Variants in TMEM120A observed in about 807,000 individuals in gnomAD.
The protein encoded by TMEM120A is transmembrane protein 120A.
TMEM120A carries 45 observed loss-of-function variants against 54.3 expected under a neutral mutation model. The observed-to-expected ratio is 0.83, with a 90% CI of 0.65 to 1.06. The LOEUF (loss-of-function observed/expected upper bound fraction) is 1.06. Among genes scored for constraint, TMEM120A ranks in the 50% least tolerant of loss-of-function variants. The pLI is 0.00. For missense variants in TMEM120A, 424 were observed against 441.7 expected (o/e 0.96, Z 0.36); for synonymous variants, 204 against 178.5 (o/e 1.14, Z -1.14).
At chr7:75,990,362 C>A (rs1789792619) in intron 3 of TMEM120A, among the ~76,000 whole-genome samples, 1 of 152,156 alleles carries the variant, frequency 6.6e-6, no homozygotes, top group Admixed American at 6.5e-5. Context: ...TCTCTGCACC[C>A]TCCATCCCCC....
chr7:75,988,402 G>A lies in TMEM120A; in HGVS notation c.473+19C>T. 1 of 1,606,186 alleles carries A rather than the reference G, an allele frequency of 6.2e-7. No homozygotes were observed. Among genetic ancestry groups the A allele is most frequent in the Non-Finnish European group, 8.5e-7 (1 of 1,174,604 alleles). ...CGACTGGGGATGGGGTGGGTCCTCG[G>A]CCGGGGTGGGACGCCCACCTGGAGT... On this transcript the variant is annotated intron_variant, in intron 5 of 11. Transcript: ENST00000493111.
At position 75,994,357 on chromosome 7, in the gene TMEM120A, C is replaced by A. The variant is rs1789973454; in HGVS notation, c.81+133G>T. On this transcript the variant is annotated intron_variant, in intron 1 of 11. Coordinates refer to ENST00000493111, the MANE Select transcript of TMEM120A (RefSeq NM_031925.3). ...ACACCAGGACCAGGGGCCTCGCCCC[C>A]CTTGGCAGTGACGCCAGGGCCCCGA... 16 of 753,050 alleles carry A rather than the reference C, an allele frequency of 2.1e-5. 1 individual carries two copies. In the East Asian group the frequency reaches 4.6e-4, roughly 22 times the overall value. 46.6% of individuals were successfully genotyped at this position (753,050 alleles called of 1,614,324 possible).
rs1554560560 is a variant in TMEM120A at position 75,988,130 on chromosome 7, C to T, written c.582G>A (p.Val194=). Residue 194 remains valine (V), a synonymous_variant, in exon 7 of 12, where the codon GTG becomes GTA. Coordinates refer to ENST00000493111, the MANE Select transcript of TMEM120A (RefSeq NM_031925.3). ...NNGSRIKGWW[V]FHHYVSTFLS... ...GGAAGGTGGACACGTAGTGATGGAA[C>T]ACCCACCAGCCTTTGATCCTGGAGC... The T allele has an allele frequency of 6.2e-7, 1 of 1,610,384 alleles. No homozygotes were observed. Among genetic ancestry groups the T allele is most frequent in the Admixed American group, 1.7e-5 (1 of 59,630 alleles).
chr7:75,991,660 C>CA (rs531113689), intron 3 of TMEM120A, among the ~76,000 whole-genome samples: 136 of 152,216 alleles, frequency 8.9e-4, no homozygotes, highest in Admixed American at 2.1e-3. Context: ...CTTGGCTTCC[C>CA]AAAAAAGTGC....
At chr7:75,989,104 G>C in intron 4 of TMEM120A, 61 bp downstream of exon 4, 1 of 470,620 alleles carries the variant, frequency 2.1e-6, no homozygotes, top group Non-Finnish European at 3.7e-6. Context: ...AGGGGGGGAG[G>C]GGGGTAGGGG....
At chr7:75,993,733 C>T (rs1263927922) in intron 1 of TMEM120A, among the ~76,000 whole-genome samples, 1 of 152,200 alleles carries the variant, frequency 6.6e-6, no homozygotes, top group Admixed American at 6.5e-5. Flanking sequence ...CACGCCCCCT[C>T]GGACCCCAGC....
Position 75,988,508 on chromosome 7 carries a change from T to G in TMEM120A, c.386A>C (p.Tyr129Ser). 1 of 1,605,078 alleles carries G rather than the reference T, an allele frequency of 6.2e-7. No homozygotes were observed. The highest frequency in any genetic ancestry group is 8.5e-7 in the Non-Finnish European group (1 of 1,178,000). Residue 129 changes from tyrosine (Y) to serine (S), a missense_variant, in exon 5 of 12, where the codon TAC (tyrosine) becomes TCC (serine). Tyr to Ser is a moderately radical substitution (Grantham distance 144). Coordinates refer to ENST00000493111, the MANE Select transcript of TMEM120A (RefSeq NM_031925.3). The stretch of plus-strand genomic sequence containing the variant: ...CTTGAACTTCTCATACTCGTCCTTG[T>G]AGGCAAACCTGGGGGGCGCAGGCCG... ...TLLSKQAKFA[Y>S]KDEYEKFKLY...
At chr7:75,988,380 C>G (rs782573551) in intron 5 of TMEM120A, 39 bp from the exon 6 acceptor site, 1 of 1,262,352 alleles carries the variant, frequency 7.9e-7, no homozygotes, top group East Asian at 3.9e-5. Context: ...ACTGCAGCGA[C>G]TGGGGATGGG....
Position 75,986,970 on chromosome 7 carries a change from C to A in TMEM120A, c.*202G>T. On this transcript the variant is annotated 3_prime_UTR_variant, in exon 12 of 12. Coordinates refer to ENST00000493111, the MANE Select transcript of TMEM120A (RefSeq NM_031925.3). ...CCAGCCCTCCCCTCCCCCAGGAGAACACACACGCTCAGGCCACCTCTGGGC... is the reference window on the plus strand; with the variant it reads ...CCAGCCCTCCCCTCCCCCAGGAGAAAACACACGCTCAGGCCACCTCTGGGC... 1 of 600,024 alleles carries A rather than the reference C, an allele frequency of 1.7e-6. No homozygotes were observed. Among genetic ancestry groups the A allele is most frequent in the Non-Finnish European group, 3.0e-6 (1 of 338,496 alleles). 37.2% of individuals were successfully genotyped at this position (600,024 alleles called of 1,614,324 possible). A position where few individuals can be genotyped will look rare whatever the true frequency, so the allele number is the denominator to read the frequency against.
At chr7:75,989,681 A>G (rs1789760058) in intron 3 of TMEM120A, among the ~76,000 whole-genome samples, 1 of 151,594 alleles carries the variant, frequency 6.6e-6, no homozygotes, top group Admixed American at 6.6e-5. Context: ...GACCTCCCAA[A>G]CCAGAACAGA....
At chr7:75,989,269 C>A (rs1789741590) in intron 3 of TMEM120A, 45 bp from the exon 4 acceptor site, 1 of 1,307,420 alleles carries the variant, frequency 7.6e-7, no homozygotes, top group Non-Finnish European at 1.1e-6. Context: ...GAGTGACAGA[C>A]AAGCCACCGG....
rs1452125262 is a variant in TMEM120A, at chr7:75,988,459, G to A, written c.435C>T (p.Ile145=). Residue 145 remains isoleucine (I), a synonymous_variant, in exon 5 of 12, where the codon ATC becomes ATT. Coordinates refer to ENST00000493111, the MANE Select transcript of TMEM120A (RefSeq NM_031925.3). ...KFKLYLTIIL[I]LISFTCRFLL... Reference sequence around the variant, plus strand: ...GGAAGCGGCAAGTGAAGGAGATGAGGATGAGGATGATGGTGAGGTAGAGCT... The same window carrying A: ...GGAAGCGGCAAGTGAAGGAGATGAGAATGAGGATGATGGTGAGGTAGAGCT... 31 of 1,610,868 alleles carry A rather than the reference G, an allele frequency of 1.9e-5. No individual in the cohort carries two copies. The highest frequency in any genetic ancestry group is 2.3e-5 in the Non-Finnish European group (27 of 1,179,572).
intron 3 of TMEM120A, among the ~76,000 whole-genome samples, chr7:75,989,854 T>C (rs963745258): frequency 4.6e-5 from 7 of 151,858 alleles, no homozygotes; most frequent in Non-Finnish European, 1.0e-4. Flanking sequence ...TTACACCACT[T>C]TTTTGCCAAT....
intron 5 of TMEM120A, 35 bp downstream of exon 5, chr7:75,988,385 GA>G (rs1166281819): frequency 1.8e-5 from 21 of 1,179,494 alleles, no homozygotes; most frequent in Non-Finnish European, 2.4e-5. Context: ...AGCGACTGGG[GA>G]TGGGGTGGGT....
At position 75,988,623 on chromosome 7, in the gene TMEM120A, CGGGTTGG is replaced by C. The variant is rs1789663271; in HGVS notation, c.378-114_378-108del. On this transcript the variant is annotated intron_variant, in intron 4 of 11. Coordinates refer to ENST00000493111, the MANE Select transcript of TMEM120A (RefSeq NM_031925.3). ...AGGGTAGTCGGATGGAGGAGAAGGC[CGGGTTGG>C]GGGGTGGAGGGGAAGGCCAGGTGGG... 9.5e-5 allele frequency: 27 copies of C among 283,820 alleles called. 1 individual carries two copies. Among genetic ancestry groups the C allele is most frequent in the African/African-American group, 3.9e-4 (5 of 12,898 alleles). The allele number at this position is 283,820 out of a possible 1,614,324, so 17.6% of individuals were successfully genotyped here.
chr7:75,993,347 C>T (rs1429553874), intron 1 of TMEM120A, among the ~76,000 whole-genome samples: 1 of 152,230 alleles, frequency 6.6e-6, no homozygotes, highest in African/African-American at 2.4e-5. Context: ...GGTTTCAACC[C>T]TAGAGCCTCC....
At position 75,987,588 on chromosome 7, in the gene TMEM120A, A is replaced by G; in HGVS notation, c.799T>C (p.Trp267Arg). Residue 267 changes from tryptophan to arginine, a missense_variant, in exon 10 of 12, where the codon TGG (tryptophan) becomes CGG (arginine). Coordinates refer to ENST00000493111, the MANE Select transcript of TMEM120A (RefSeq NM_031925.3). ...AGGAAGGTGAGGCCCCGCCACATCC[A>G]GGACTGGAAGCCCTCTGCGGGGAGG... The part of the protein sequence containing the change: ...MDLTVEGFQS[W>R]MWRGLTFLLP... 6.2e-7 allele frequency: 1 copy of G among 1,608,792 alleles called. No homozygotes were observed. Among genetic ancestry groups the G allele is most frequent in the Non-Finnish European group, 8.5e-7 (1 of 1,178,110 alleles).
intron 4 of TMEM120A, 73 bp from the exon 5 acceptor site, chr7:75,988,589 G>A (rs1789660136): frequency 1.9e-6 from 2 of 1,029,906 alleles, no homozygotes; most frequent in Admixed American, 1.9e-5. Context: ...CGGGAGGGCA[G>A]CTGAGCCAAG....
At chr7:75,987,884 G>A in intron 8 of TMEM120A, 39 bp downstream of exon 8, 1 of 1,598,746 alleles carries the variant, frequency 6.3e-7, no homozygotes, top group South Asian at 1.1e-5. Context: ...CCCACCACGG[G>A]TGCCTCCAGG....
Sources: gnomAD v4.1 joint callset for allele counts (sites outside exome capture counted in the v4.1 genomes callset) on GRCh38, gnomAD v4.1.1 for gene constraint, MANE v1.5 for transcripts, NCBI Gene and HGNC (gene_info 2026-07-23, HGNC 2026-07-21) for gene names.